Variants in ADAM23 observed in about 807,000 individuals in gnomAD.
The protein encoded by ADAM23 is disintegrin and metalloproteinase domain-containing protein 23.
In ADAM23, 33 loss-of-function variants were observed where a neutral mutation model predicts 120.1. The observed-to-expected ratio is 0.27, with a 90% CI of 0.21 to 0.37. The LOEUF is 0.37. Ranked by LOEUF, ADAM23 falls within the 10% of genes least tolerant of loss-of-function variation. The pLI, the probability that ADAM23 is intolerant of heterozygous loss-of-function variation, is 1.00. For synonymous variants in ADAM23, 367 were observed against 375.2 expected, an observed-to-expected ratio of 0.98 and a Z score of 0.25; for missense variants, 862 against 1,058.2, an observed-to-expected ratio of 0.81 and a Z score of 2.57.
intron 25 of ADAM23, among the ~76,000 whole-genome samples, chr2:206,611,423 T>G (rs1303274087): frequency 2.7e-5 from 4 of 150,652 alleles, no homozygotes; most frequent in Non-Finnish European, 4.5e-5. Context: ...GCGGACCTAA[T>G]TCAAGCAAAA....
chr2:206,489,060 T>A (rs1367282833), intron 3 of ADAM23, among the ~76,000 whole-genome samples: 1 of 152,172 alleles, frequency 6.6e-6, no homozygotes, highest in East Asian at 1.9e-4. Flanking sequence ...TTAAATATGG[T>A]TGTAAGAAGG....
intron 3 of ADAM23, among the ~76,000 whole-genome samples, chr2:206,508,094 A>G (rs184436417): frequency 6.0e-4 from 91 of 152,212 alleles, no homozygotes; most frequent in African/African-American, 2.0e-3. Flanking sequence ...CAGTGGCGCA[A>G]TCTCGGCTCA....
intron 2 of ADAM23, among the ~76,000 whole-genome samples, chr2:206,471,792 C>T (rs1424684673): frequency 4.6e-5 from 7 of 152,010 alleles, no homozygotes; most frequent in African/African-American, 1.2e-4. Context: ...TAGATTAATG[C>T]ACCACATTAA....
At chr2:206,592,535 A>G in intron 21 of ADAM23, 82 bp from the exon 22 acceptor site, 1 of 1,494,708 alleles carries the variant, frequency 6.7e-7, no homozygotes, top group Non-Finnish European at 9.1e-7. Flanking sequence ...TAAAAATTTG[A>G]ATCAATGTGG....
chr2:206,582,124 C>A (rs916230254), intron 18 of ADAM23, among the ~76,000 whole-genome samples: 1 of 152,182 alleles, frequency 6.6e-6, no homozygotes, highest in Non-Finnish European at 1.5e-5. Context: ...GTGATCCGCC[C>A]GCCTTGGCCT....
At chr2:206,554,859 G>T (rs1450574753) in intron 9 of ADAM23, among the ~76,000 whole-genome samples, 1 of 152,108 alleles carries the variant, frequency 6.6e-6, no homozygotes, top group Admixed American at 6.5e-5. Context: ...AGTGGTCATT[G>T]TTCTGTCCTT....
intron 4 of ADAM23, among the ~76,000 whole-genome samples, chr2:206,540,860 A>G (rs930730067): frequency 2.0e-5 from 3 of 151,862 alleles, no homozygotes; most frequent in African/African-American, 7.2e-5. Context: ...GAGCTCATGT[A>G]TGGAAAAAAA....
rs1699026228 is a variant in ADAM23, at chr2:206,620,083, C to T, written c.*2456C>T. 6.6e-6 allele frequency: 1 copy of T among 152,214 alleles called. No homozygotes were observed. The highest frequency in any genetic ancestry group is 2.4e-5 in the African/African-American group (1 of 41,456). 9.4% of individuals were successfully genotyped at this position (152,214 alleles called of 1,614,324 possible). ...GTAGATACTAAACTGCTGTGAAGTA[C>T]ACCATACACATTTCACTAAGATTCC... On this transcript the variant is annotated 3_prime_UTR_variant, in exon 26 of 26. Transcript: ENST00000264377.
intron 2 of ADAM23, among the ~76,000 whole-genome samples, chr2:206,476,735 T>C (rs992590673): frequency 5.3e-5 from 8 of 152,178 alleles, no homozygotes; most frequent in African/African-American, 1.4e-4. Context: ...TCTCAGAAGA[T>C]GTGATGATCC....
chr2:206,573,624 T>TA (rs34558052), intron 18 of ADAM23, among the ~76,000 whole-genome samples: 1,794 of 141,558 alleles, frequency 0.013, 13 homozygotes, highest in East Asian at 0.02. Context: ...TACTTAACAG[T>TA]AAAAAAAAAA....
chr2:206,500,180 T>C (rs1369997041), intron 3 of ADAM23, among the ~76,000 whole-genome samples: 6 of 152,260 alleles, frequency 3.9e-5, no homozygotes, highest in South Asian at 2.1e-4. Context: ...GATACTAATA[T>C]CAGTGTAGAT....
At chr2:206,532,408 A>G (rs902410971) in intron 4 of ADAM23, among the ~76,000 whole-genome samples, 1 of 152,106 alleles carries the variant, frequency 6.6e-6, no homozygotes, top group Non-Finnish European at 1.5e-5. Flanking sequence ...CTTATCATTA[A>G]TAAGACACTC....
rs533795960 is a variant in ADAM23 at position 206,520,478 on chromosome 2, C to T, written c.510-10407C>T. Among the ~76,000 whole-genome samples, 4 of 152,284 alleles carry T rather than the reference C, an allele frequency of 2.6e-5. No individual in the cohort carries two copies. In the South Asian group the frequency reaches 6.2e-4, roughly 24 times the overall value. On this transcript the variant is annotated intron_variant, in intron 3 of 25. Transcript: ENST00000264377. ...GTGAAAGAATTTAAAGAAATGGCAA[C>T]ATTTAGTTAAAAACCTTTATCTTTG...
chr2:206,573,865 G>T (rs1168791073), intron 18 of ADAM23, among the ~76,000 whole-genome samples: 1 of 151,730 alleles, frequency 6.6e-6, no homozygotes, highest in Admixed American at 6.6e-5. Context: ...CCAGGAAGTG[G>T]GTCCTCTACG....
rs780653760 is a variant in ADAM23 at position 206,495,525 on chromosome 2, G to A, written c.509+14217G>A. Among the ~76,000 whole-genome samples the A allele has an allele frequency of 5.7e-4, 87 of 152,096 alleles. 1 individual carries two copies. Among genetic ancestry groups the A allele is most frequent in the Admixed American group, 1.7e-3 (26 of 15,286 alleles). ...GCACTAAACATGGAAAGGAACAACC[G>A]GTACCAGCCACTGCAAAAACATGCC... On this transcript the variant is annotated intron_variant, in intron 3 of 25. Coordinates refer to ENST00000264377, the MANE Select transcript of ADAM23 (RefSeq NM_003812.4).
Position 206,499,649 on chromosome 2 carries a change from AAAAT to A in ADAM23, c.509+18349_509+18352del, listed in dbSNP as rs199711786. Among the ~76,000 whole-genome samples, 1,270 of 152,198 alleles carry A rather than the reference AAAAT, an allele frequency of 8.3e-3. 19 individuals are homozygous for A. The highest frequency in any genetic ancestry group is 0.022 in the African/African-American group (923 of 41,542). On this transcript the variant is annotated intron_variant, in intron 3 of 25. Coordinates refer to ENST00000264377, the MANE Select transcript of ADAM23 (RefSeq NM_003812.4). ...AAACTTAAAGTATAATAATAATAAG[AAAAT>A]AAATAAAATAAAAAAAATTTACATG...
intron 13 of ADAM23, among the ~76,000 whole-genome samples, chr2:206,563,323 C>T (rs71429727): frequency 6.6e-6 from 1 of 152,054 alleles, no homozygotes; most frequent in Admixed American, 6.5e-5. Context: ...ATTTTATATT[C>T]TTTTTTTCAT....
At chr2:206,478,650 C>T (rs372474285) in intron 2 of ADAM23, among the ~76,000 whole-genome samples, 5 of 152,174 alleles carry the variant, frequency 3.3e-5, no homozygotes, top group African/African-American at 1.2e-4. Flanking sequence ...TGTCACTGAT[C>T]ATGTCACGTG....
intron 2 of ADAM23, among the ~76,000 whole-genome samples, chr2:206,465,205 T>C (rs1021807386): frequency 2.0e-5 from 3 of 152,074 alleles, no homozygotes; most frequent in Non-Finnish European, 4.4e-5. Context: ...TGCCTGGCTA[T>C]TTTTTTCTAC....
Sources: allele counts gnomAD v4.1 joint callset (sites outside exome capture counted in the v4.1 genomes callset), GRCh38; gene constraint gnomAD v4.1.1; transcripts MANE v1.5; gene names NCBI Gene and HGNC (gene_info 2026-07-23, HGNC 2026-07-21).